Variants in EYS observed in about 807,000 individuals in gnomAD.
EYS encodes the protein protein eyes shut homolog.
A neutral mutation model predicts 282.1 loss-of-function variants in EYS; 250 were observed. The observed-to-expected ratio is 0.89, with a 90% CI of 0.80 to 0.98. The LOEUF is 0.98. Ranked by LOEUF, EYS falls within the 50% of genes least tolerant of loss-of-function variation. The pLI is 0.00. For synonymous variants in EYS, 1,355 were observed against 1,282.9 expected, an observed-to-expected ratio of 1.06 and a Z score of -1.20; for missense variants, 4,016 against 3,709.0, an observed-to-expected ratio of 1.08 and a Z score of -2.15.
intron 26 of EYS, among the ~76,000 whole-genome samples, chr6:64,551,245 A>C (rs1309866083): frequency 1.3e-5 from 2 of 150,184 alleles, no homozygotes; most frequent in Non-Finnish European, 1.5e-5. Flanking sequence ...CTTCCTAATA[A>C]GTTTATTTAA....
intron 31 of EYS, among the ~76,000 whole-genome samples, chr6:64,135,048 C>T (rs1253396774): frequency 6.6e-6 from 1 of 152,014 alleles, no homozygotes; most frequent in Non-Finnish European, 1.5e-5. Context: ...TGGAACCGAA[C>T]CTGTGGTATC....
chr6:65,329,823 C>T, intron 11 of EYS: 2 of 983,078 alleles, frequency 2.0e-6, no homozygotes, highest in South Asian at 4.7e-5. Flanking sequence ...ACATAAAGCT[C>T]TATTTTTACA....
rs558212646 is a variant in EYS at position 64,663,377 on chromosome 6, A to G, written c.3444-37132T>C. ...AACACCATTAATTGGACAGTTAACA[A>G]CTTTTTCAAAAGGTTGATAAGTAAA... On this transcript the variant is annotated intron_variant, in intron 22 of 42. Coordinates refer to ENST00000503581, the MANE Select transcript of EYS (RefSeq NM_001142800.2). 7.6e-5 allele frequency among the ~76,000 whole-genome samples: 11 copies of G among 145,042 alleles called. No individual in the cohort carries two copies. The East Asian group carries it at 2.2e-3, about 30-fold the overall frequency.
intron 12 of EYS, among the ~76,000 whole-genome samples, chr6:65,076,534 G>T (rs933268946): frequency 2.6e-5 from 4 of 151,930 alleles, no homozygotes; most frequent in Non-Finnish European, 4.4e-5. Flanking sequence ...CTGGGATATA[G>T]AGCTAAACTT....
At chr6:65,225,565 T>C (rs936778965) in intron 12 of EYS, among the ~76,000 whole-genome samples, 2 of 151,362 alleles carry the variant, frequency 1.3e-5, no homozygotes, top group African/African-American at 4.8e-5. Flanking sequence ...AATTCAAAAA[T>C]TGGCCAGGCA....
chr6:64,381,250 C>A (rs753438307), intron 29 of EYS, among the ~76,000 whole-genome samples: 13 of 152,010 alleles, frequency 8.6e-5, no homozygotes, highest in Non-Finnish European at 1.5e-4. Flanking sequence ...AATGGTGATA[C>A]CTGCTTTGAG....
intron 13 of EYS, among the ~76,000 whole-genome samples, chr6:65,011,123 G>C (rs9453152): frequency 1.3e-3 from 197 of 152,296 alleles, no homozygotes; most frequent in African/African-American, 4.6e-3. Context: ...TCTCCCCTCA[G>C]GATGGCTAGC....
At chr6:65,234,373 C>T (rs1766867530) in intron 12 of EYS, among the ~76,000 whole-genome samples, 1 of 152,164 alleles carries the variant, frequency 6.6e-6, no homozygotes, top group Non-Finnish European at 1.5e-5. Context: ...TACCAGGGAC[C>T]TGGGCCACAG....
At chr6:65,484,456 G>C (rs941195785) in intron 5 of EYS, among the ~76,000 whole-genome samples, 1 of 152,134 alleles carries the variant, frequency 6.6e-6, no homozygotes, top group Non-Finnish European at 1.5e-5. Flanking sequence ...GGATAATATG[G>C]TAATATAACC....
intron 29 of EYS, among the ~76,000 whole-genome samples, chr6:64,316,839 C>T (rs1405714744): frequency 6.6e-6 from 1 of 152,124 alleles, no homozygotes; most frequent in Non-Finnish European, 1.5e-5. Flanking sequence ...GTAACACAAA[C>T]AGCATGGTAC....
intron 30 of EYS, among the ~76,000 whole-genome samples, chr6:64,274,361 C>T (rs1048403730): frequency 7.3e-5 from 11 of 151,604 alleles, no homozygotes; most frequent in Admixed American, 4.0e-4. Flanking sequence ...TTAGTAGAGA[C>T]GGGTTTCGTC....
intron 12 of EYS, among the ~76,000 whole-genome samples, chr6:65,224,314 T>C (rs1252316617): frequency 6.6e-6 from 1 of 151,936 alleles, no homozygotes; most frequent in Non-Finnish European, 1.5e-5. Context: ...AACCAATCAG[T>C]CAAAGCAGCA....
chr6:65,092,138 TA>T (rs1309086670), intron 12 of EYS, among the ~76,000 whole-genome samples: 1 of 151,990 alleles, frequency 6.6e-6, no homozygotes, highest in African/African-American at 2.4e-5. Flanking sequence ...ACCAGAAAAA[TA>T]AAAGATAATT....
At chr6:64,803,022 C>T (rs935092309) in intron 22 of EYS, among the ~76,000 whole-genome samples, 17 of 152,184 alleles carry the variant, frequency 1.1e-4, no homozygotes, top group African/African-American at 2.9e-4. Flanking sequence ...AGGTACTGCA[C>T]GTAGCTCCCA....
intron 22 of EYS, among the ~76,000 whole-genome samples, chr6:64,754,013 C>A (rs1261185111): frequency 6.6e-6 from 1 of 151,868 alleles, no homozygotes; most frequent in African/African-American, 2.4e-5. Flanking sequence ...TCTTTGGGTA[C>A]ATGATGAAAT....
At chr6:65,242,500 C>T (rs1767081253) in intron 12 of EYS, among the ~76,000 whole-genome samples, 1 of 151,994 alleles carries the variant, frequency 6.6e-6, no homozygotes, top group Non-Finnish European at 1.5e-5. Flanking sequence ...ACAGATGTAA[C>T]ATATTTCATT....
At chr6:63,831,268 TG>T (rs1771628916) in intron 36 of EYS, among the ~76,000 whole-genome samples, 1 of 152,138 alleles carries the variant, frequency 6.6e-6, no homozygotes, top group Non-Finnish European at 1.5e-5. Flanking sequence ...AGACACAGAC[TG>T]GCAAATTGGA....
At chr6:64,189,011 A>G (rs1277837620) in intron 31 of EYS, among the ~76,000 whole-genome samples, 5 of 152,176 alleles carry the variant, frequency 3.3e-5, no homozygotes, top group Admixed American at 2.6e-4. Flanking sequence ...AATCATTGTT[A>G]GATAATAATA....
In EYS at chr6:64,706,522, A is replaced by G. The variant is rs143532293; in HGVS notation, c.3444-80277T>C. 9.8e-4 allele frequency among the ~76,000 whole-genome samples: 149 copies of G among 152,296 alleles called. 2 individuals are homozygous for G. In the Middle Eastern group the frequency reaches 0.017, roughly 17 times the overall value. ...AAGAAATAATCAGTAGACTAAATAG[A>G]CAACTCACAGAATGGGAGAAAATCT... On this transcript the variant is annotated intron_variant, in intron 22 of 42. Coordinates refer to ENST00000503581, the MANE Select transcript of EYS (RefSeq NM_001142800.2).
Sources: gnomAD v4.1 joint callset for allele counts (sites outside exome capture counted in the v4.1 genomes callset) on GRCh38, gnomAD v4.1.1 for gene constraint, MANE v1.5 for transcripts, NCBI Gene and HGNC (gene_info 2026-07-23, HGNC 2026-07-21) for gene names.